The following CLIP1 variants were observed in gnomAD, a reference collection of about 807,000 sequenced individuals.
CLIP1 encodes CAP-Gly domain-containing linker protein 1.
In CLIP1, 66 loss-of-function variants were observed where a neutral mutation model predicts 161.6. That is an observed-to-expected ratio of 0.41 (90% confidence interval 0.33 to 0.50). CLIP1 has a LOEUF of 0.50. CLIP1 is among the 20% of genes least tolerant of loss of function. The pLI is 0.27. For missense variants in CLIP1, 1,376 were observed against 1,702.0 expected (o/e 0.81, Z 3.37); for synonymous variants, 598 against 626.2 (o/e 0.96, Z 0.67).
At position 122,380,500 on chromosome 12, in the gene CLIP1, T is replaced by C. The variant is rs1954968146; in HGVS notation, c.-48A>G. The C allele has an allele frequency of 8.2e-7, 1 of 1,222,982 alleles. No homozygotes were observed. The highest frequency in any genetic ancestry group is 1.2e-6 in the Non-Finnish European group (1 of 833,882). 75.8% of individuals were successfully genotyped at this position (1,222,982 alleles called of 1,614,324 possible). A position where few individuals can be genotyped will look rare whatever the true frequency, so the allele number is the denominator to read the frequency against. On this transcript the variant is annotated 5_prime_UTR_variant, in exon 2 of 26. Transcript: ENST00000620786. Reference sequence around the variant, plus strand: ...TTCTCCTTTGCCTGTTGCCACTATCTTTCCCCAACCATTGATACAACTGTG... The same window carrying C: ...TTCTCCTTTGCCTGTTGCCACTATCCTTCCCCAACCATTGATACAACTGTG...
At chr12:122,408,493 C>T (rs966399659) in intron 1 of CLIP1, among the ~76,000 whole-genome samples, 26 of 151,870 alleles carry the variant, frequency 1.7e-4, no homozygotes, top group Admixed American at 1.3e-4. Context: ...GGACTACAGG[C>T]GCCTGCCACC....
At chr12:122,335,183 C>T (rs1952160803) in intron 12 of CLIP1, among the ~76,000 whole-genome samples, 1 of 152,206 alleles carries the variant, frequency 6.6e-6, no homozygotes, top group Non-Finnish European at 1.5e-5. Flanking sequence ...AAGTCACTTA[C>T]AGTTCAAGGT....
chr12:122,344,987 G>C (rs548996960), intron 10 of CLIP1, among the ~76,000 whole-genome samples: 92 of 61,148 alleles, frequency 1.5e-3, no homozygotes, highest in Non-Finnish European at 1.6e-4. Context: ...GCCTTATCTA[G>C]AGCAGGAAAA....
At chr12:122,305,418 G>C (rs1440869115) in intron 20 of CLIP1, among the ~76,000 whole-genome samples, 1 of 152,206 alleles carries the variant, frequency 6.6e-6, no homozygotes, top group Non-Finnish European at 1.5e-5. Context: ...GCTACAAAGT[G>C]AGACTCTGTC....
At chr12:122,325,429 T>A (rs1951673945) in intron 17 of CLIP1, among the ~76,000 whole-genome samples, 1 of 152,066 alleles carries the variant, frequency 6.6e-6, no homozygotes, top group Non-Finnish European at 1.5e-5. Flanking sequence ...ATGTGGTGAG[T>A]GCAACTGAGG....
chr12:122,274,406 C>T, intron 24 of CLIP1: 1 of 351,438 alleles, frequency 2.8e-6, no homozygotes, highest in South Asian at 4.9e-5. Flanking sequence ...TTTCTTTTAC[C>T]CCCTCACACC....
intron 5 of CLIP1, among the ~76,000 whole-genome samples, chr12:122,359,804 C>T (rs183969593): frequency 1.3e-5 from 2 of 152,284 alleles, no homozygotes; most frequent in Non-Finnish European, 2.9e-5. Context: ...ACCTCCTCCC[C>T]GCAGCACAAC....
Position 122,274,027 on chromosome 12 carries a change from A to C in CLIP1, c.4091+11T>G. 2 of 1,612,806 alleles carry C rather than the reference A, an allele frequency of 1.2e-6. No homozygotes were observed. Among genetic ancestry groups the C allele is most frequent in the Non-Finnish European group, 1.7e-6 (2 of 1,179,318 alleles). On this transcript the variant is annotated intron_variant, in intron 25 of 25. Coordinates refer to ENST00000620786, the MANE Select transcript of CLIP1 (RefSeq NM_001247997.2). ...GGATTATAGCAATCAGTATGTCTTCATATGAAATACCTGTCATAATTGTTT... is the reference window on the plus strand; with the variant it reads ...GGATTATAGCAATCAGTATGTCTTCCTATGAAATACCTGTCATAATTGTTT...
At chr12:122,278,427 G>C in intron 23 of CLIP1, 2 of 575,900 alleles carry the variant, frequency 3.5e-6, no homozygotes, top group Non-Finnish European at 6.1e-6. Flanking sequence ...TCTCCCTCAG[G>C]CCTGCTAACT....
intron 12 of CLIP1, among the ~76,000 whole-genome samples, chr12:122,335,221 C>G (rs901067344): frequency 1.3e-5 from 2 of 152,166 alleles, no homozygotes; most frequent in Admixed American, 6.5e-5. Context: ...ATAGGCCAAG[C>G]TAAAAATCAC....
chr12:122,396,741 C>G (rs147460345), intron 1 of CLIP1: 1 of 151,920 alleles, frequency 6.6e-6, no homozygotes, highest in Non-Finnish European at 1.5e-5. Flanking sequence ...GGGTGGCTAG[C>G]TGTTCACCAA....
At chr12:122,302,824 T>C (rs1410557438) in intron 20 of CLIP1, among the ~76,000 whole-genome samples, 1 of 152,178 alleles carries the variant, frequency 6.6e-6, no homozygotes, top group African/African-American at 2.4e-5. Flanking sequence ...TTCAAACTCC[T>C]GACCTCAAGT....
intron 10 of CLIP1, 31 bp downstream of exon 10, chr12:122,347,344 G>T: frequency 6.7e-7 from 1 of 1,487,754 alleles, no homozygotes; most frequent in Non-Finnish European, 9.4e-7. Context: ...ACATGCATGG[G>T]TCTGCTTCAT....
chr12:122,331,446 C>A (rs1431970701), intron 15 of CLIP1, among the ~76,000 whole-genome samples: 1 of 152,016 alleles, frequency 6.6e-6, no homozygotes, highest in Non-Finnish European at 1.5e-5. Flanking sequence ...TCCCAAGTAG[C>A]TGAGATTACG....
chr12:122,284,027 C>A (rs568822323), intron 21 of CLIP1, among the ~76,000 whole-genome samples: 8 of 152,106 alleles, frequency 5.3e-5, no homozygotes, highest in Non-Finnish European at 1.0e-4. Flanking sequence ...AACCATTACA[C>A]GCATAGGCCT....
rs745628698 is a variant in CLIP1, at chr12:122,288,567, A to C, written c.3595-26T>G. The C allele has an allele frequency of 4.0e-5, 64 of 1,597,332 alleles. 1 individual carries two copies. Among genetic ancestry groups the C allele is most frequent in the Middle Eastern group, 1.7e-4 (1 of 6,036 alleles). ...CTAGGAAAAAAACACAAAAAACTTC[A>C]GTTCATAACCAGGCCACAGAAAGGC... On this transcript the variant is annotated intron_variant, in intron 20 of 25. Transcript: ENST00000620786.
At position 122,419,382 on chromosome 12, in the gene CLIP1, T is replaced by A. The variant is rs1801998216; in HGVS notation, c.-107+3139A>T. On this transcript the variant is annotated intron_variant, in intron 1 of 25. Coordinates refer to ENST00000620786, the MANE Select transcript of CLIP1 (RefSeq NM_001247997.2). ...AGACTCTGTCTCAAAAAAAAAAAAATTAATTAAAAAAAAATAAGAAACGTT... is the reference window on the plus strand; with the variant it reads ...AGACTCTGTCTCAAAAAAAAAAAAAATAATTAAAAAAAAATAAGAAACGTT... 2.0e-5 allele frequency among the ~76,000 whole-genome samples: 3 copies of A among 147,572 alleles called. No individual in the cohort carries two copies. The South Asian group carries it at 6.5e-4, about 32-fold the overall frequency.
intron 5 of CLIP1, among the ~76,000 whole-genome samples, chr12:122,358,153 T>G (rs1953583516): frequency 6.6e-6 from 1 of 151,796 alleles, no homozygotes; most frequent in Non-Finnish European, 1.5e-5. Context: ...AACCCTGTGC[T>G]CTCTGAAACA....
chr12:122,356,551 C>T (rs1241001258), intron 5 of CLIP1, among the ~76,000 whole-genome samples: 1 of 152,118 alleles, frequency 6.6e-6, no homozygotes, highest in Non-Finnish European at 1.5e-5. Context: ...AACAGCAGCG[C>T]ACACAGTAAC....
Sources: allele counts gnomAD v4.1 joint callset (sites outside exome capture counted in the v4.1 genomes callset), GRCh38; gene constraint gnomAD v4.1.1; transcripts MANE v1.5; gene names NCBI Gene and HGNC (gene_info 2026-07-23, HGNC 2026-07-21).